Variants in SMC3 observed in about 807,000 individuals in gnomAD.
The protein encoded by SMC3 is structural maintenance of chromosomes 3, also known as structural maintenance of chromosomes protein 3.
A neutral mutation model predicts 171.8 loss-of-function variants in SMC3; 20 were observed. The ratio of observed to expected loss-of-function variants is 0.12; its 90% CI spans 0.08 to 0.17. The LOEUF (loss-of-function observed/expected upper bound fraction) is 0.17, where lower values mean the gene tolerates loss of function less well. Among genes scored for constraint, SMC3 ranks in the 10% least tolerant of loss-of-function variants. The pLI, the probability that SMC3 is intolerant of heterozygous loss-of-function variation, is 1.00. For missense variants in SMC3, 543 were observed against 1,420.4 expected (o/e 0.38, Z 9.93); for synonymous variants, 464 against 451.1 (o/e 1.03, Z -0.36).
At chr10:110,598,703 G>A (rs1050926429) in intron 20 of SMC3, among the ~76,000 whole-genome samples, 1 of 152,110 alleles carries the variant, frequency 6.6e-6, no homozygotes, top group Non-Finnish European at 1.5e-5. Context: ...ACTGTGCCCA[G>A]GCTAGACCCA....
intron 17 of SMC3, among the ~76,000 whole-genome samples, chr10:110,591,337 C>T (rs201567403): frequency 9.8e-4 from 149 of 152,164 alleles, no homozygotes; most frequent in Non-Finnish European, 1.6e-3. Context: ...TGGTGATGCA[C>T]GCCTGTAATC....
Position 110,568,553 on chromosome 10 carries a change from A to G in SMC3, c.16-385A>G, listed in dbSNP as rs183311464. 1.8e-5 allele frequency: 4 copies of G among 224,692 alleles called. No homozygotes were observed. In the Admixed American group the frequency reaches 2.1e-4, roughly 12 times the overall value. The allele number at this position is 224,692 out of a possible 1,614,324, so 13.9% of individuals were successfully genotyped here. A position where few individuals can be genotyped will look rare whatever the true frequency, so the allele number is the denominator to read the frequency against. On this transcript the variant is annotated intron_variant, in intron 1 of 28. Transcript: ENST00000361804. ...TCTTTCAGGCTGGCCGGCGTGAGTG[A>G]CTGAAAGCAGCACTCGGTGGTCTTG... is the stretch of plus-strand genomic sequence containing the variant.
At chr10:110,586,363 G>A (rs139190546) in intron 13 of SMC3, among the ~76,000 whole-genome samples, 1,912 of 152,284 alleles carry the variant, frequency 0.013, 39 homozygotes, top group African/African-American at 0.043. Context: ...CTTTGTGGAA[G>A]GAGTGGAAAA....
intron 4 of SMC3, 122 bp downstream of exon 4, chr10:110,575,525 C>A: frequency 1.3e-6 from 1 of 785,306 alleles, no homozygotes; most frequent in Non-Finnish European, 2.1e-6. Context: ...CACAATCTTT[C>A]TCATAAGTGT....
At chr10:110,593,648 A>G (rs1310078498) in intron 18 of SMC3, among the ~76,000 whole-genome samples, 2 of 152,100 alleles carry the variant, frequency 1.3e-5, no homozygotes, top group African/African-American at 2.4e-5. Flanking sequence ...ATCTTACAGT[A>G]TTTTGGAGAC....
Position 110,596,457 on chromosome 10 carries a change from C to T in SMC3, c.2023C>T (p.Arg675Ter). 1 of 1,613,946 alleles carries T rather than the reference C, an allele frequency of 6.2e-7. No homozygotes were observed. Among genetic ancestry groups the T allele is most frequent in the Non-Finnish European group, 8.5e-7 (1 of 1,179,970 alleles). Residue 675 changes from arginine to a stop codon, truncating the protein, a stop_gained, in exon 19 of 29, where the codon CGA becomes TGA. Transcript: ENST00000361804. LOFTEE classifies it high-confidence loss of function. ...GGGTTATTATGACACAAGGAAGTCT[C>T]GACTTGAATTGCAAAAAGATGTTAG... ...TGGYYDTRKS[R>*]LELQKDVRKA...
chr10:110,596,994 ATTGTAC>A (rs1469442106), intron 19 of SMC3, among the ~76,000 whole-genome samples: 2 of 151,942 alleles, frequency 1.3e-5, no homozygotes, highest in Non-Finnish European at 2.9e-5. Flanking sequence ...CTGGCATTTT[ATTGTAC>A]TTGTACAGTG....
intron 4 of SMC3, among the ~76,000 whole-genome samples, chr10:110,576,553 ATTG>A (rs1860953693): frequency 6.6e-6 from 1 of 152,210 alleles, no homozygotes; most frequent in Admixed American, 6.5e-5. Context: ...TGATTTGAAT[ATTG>A]TTTATTAAAG....
At chr10:110,571,980 A>G (rs1860879646) in intron 2 of SMC3, among the ~76,000 whole-genome samples, 1 of 152,182 alleles carries the variant, frequency 6.6e-6, no homozygotes, top group Non-Finnish European at 1.5e-5. Context: ...AATTTCAGTT[A>G]TTTATAGATG....
Position 110,582,615 on chromosome 10 carries a change from T to C in SMC3, c.777T>C (p.Ala259=). ...AAAAATCCAGACAATTAAGAGATGC[T>C]CAGCAGGATGCAAGAGATAAAATGG... ...SGEKSRQLRD[A]QQDARDKMED... is the part of the protein sequence containing the mutation. The change falls in exon 10 of 29, where the codon GCT becomes GCC. Residue 259 remains alanine (A), a synonymous_variant. Transcript: ENST00000361804. 1.9e-6 allele frequency: 3 copies of C among 1,613,328 alleles called. No homozygotes were observed. Among genetic ancestry groups the C allele is most frequent in the Non-Finnish European group, 2.5e-6 (3 of 1,179,246 alleles).
At chr10:110,595,989 G>C (rs919020149) in intron 18 of SMC3, among the ~76,000 whole-genome samples, 60 of 133,672 alleles carry the variant, frequency 4.5e-4, no homozygotes, top group African/African-American at 1.5e-3. Flanking sequence ...TGTAATCCTA[G>C]ATACTTAAGA....
At chr10:110,600,850 C>G (rs1162594517) in intron 22 of SMC3, among the ~76,000 whole-genome samples, 172 bp from the exon 23 acceptor site, 1 of 152,008 alleles carries the variant, frequency 6.6e-6, no homozygotes, top group South Asian at 2.1e-4. Context: ...TAGAAATTTT[C>G]TAGTAATTGT....
At chr10:110,575,264 A>C in intron 3 of SMC3, 72 bp from the exon 4 acceptor site, 1 of 996,032 alleles carries the variant, frequency 1.0e-6, no homozygotes, top group East Asian at 2.4e-5. Flanking sequence ...TGTTCTATTG[A>C]GGTGTGGGAA....
At position 110,589,715 on chromosome 10, in the gene SMC3, A is replaced by G; in HGVS notation, c.1409+7A>G. ...AACTACAAAGTGAAAGAAAGTTAGT[A>G]TAGACTAAAATGTGCATTAATGTTT... On this transcript the variant is annotated splice_region_variant and intron_variant, in intron 14 of 28. Transcript: ENST00000361804. 1 of 1,530,350 alleles carries G rather than the reference A, an allele frequency of 6.5e-7. No individual in the cohort carries two copies. The highest frequency in any genetic ancestry group is 9.0e-7 in the Non-Finnish European group (1 of 1,105,410). 94.8% of individuals were successfully genotyped at this position (1,530,350 alleles called of 1,614,324 possible). A position where few individuals can be genotyped will look rare whatever the true frequency, so the allele number is the denominator to read the frequency against.
chr10:110,602,947 C>T lies in SMC3; in HGVS notation c.3420C>T (p.Tyr1140=). ...AIQKCDPAPF[Y]LFDEIDQALD... The stretch of plus-strand genomic sequence containing the variant: ...AGAAATGTGACCCGGCTCCATTTTA[C>T]TTGTTTGATGAAATTGACCAGGCTC... The change falls in exon 27 of 29, where the codon TAC becomes TAT. Residue 1140 remains tyrosine (Y), a synonymous_variant. Transcript: ENST00000361804. 1 of 1,614,114 alleles carries T rather than the reference C, an allele frequency of 6.2e-7. No individual in the cohort carries two copies. The highest frequency in any genetic ancestry group is 8.5e-7 in the Non-Finnish European group (1 of 1,179,998).
chr10:110,581,066 T>C, intron 8 of SMC3, 45 bp downstream of exon 8: 1 of 1,061,278 alleles, frequency 9.4e-7, no homozygotes, highest in Non-Finnish European at 1.5e-6. Context: ...TGCAAATTAC[T>C]GTTTTTGTGA....
At chr10:110,582,697 CTTG>C (rs1861050243) in intron 10 of SMC3, 55 bp downstream of exon 10, 2 of 1,333,842 alleles carry the variant, frequency 1.5e-6, no homozygotes, top group Admixed American at 3.5e-5. Flanking sequence ...GAGACAGGGT[CTTG>C]TTCTGTCATC....
At chr10:110,591,206 G>T (rs372782066) in intron 17 of SMC3, 74 bp downstream of exon 17, 9 of 1,400,872 alleles carry the variant, frequency 6.4e-6, no homozygotes, top group East Asian at 4.7e-5. Flanking sequence ...ACACATGCTA[G>T]TGCCCAGGCA....
intron 13 of SMC3, among the ~76,000 whole-genome samples, chr10:110,588,830 T>C (rs181206565): frequency 1.3e-5 from 2 of 152,350 alleles, no homozygotes; most frequent in Non-Finnish European, 2.9e-5. Flanking sequence ...GCCAAGATTT[T>C]TAACTCATTT....
Sources: allele counts gnomAD v4.1 joint callset (sites outside exome capture counted in the v4.1 genomes callset), GRCh38; gene constraint gnomAD v4.1.1; transcripts MANE v1.5; gene names NCBI Gene and HGNC (gene_info 2026-07-23, HGNC 2026-07-21).